CNKSR2: variants seen among roughly 807,000 people sequenced by gnomAD.
CNKSR2 encodes connector enhancer of kinase suppressor of Ras 2, also known as CNK homolog protein 2.
In CNKSR2, 14 loss-of-function variants were observed where a neutral mutation model predicts 84.4. The ratio of observed to expected loss-of-function variants is 0.17; its 90% CI spans 0.11 to 0.26. The LOEUF is 0.26. Ranked by LOEUF, CNKSR2 falls within the 10% of genes least tolerant of loss-of-function variation. The pLI is 1.00. For synonymous variants in CNKSR2, 275 were observed against 277.9 expected (o/e 0.99, Z 0.10); for missense variants, 485 against 771.2 (o/e 0.63, Z 4.40).
chrX:21,518,234 C>T (rs771808931), intron 9 of CNKSR2, among the ~76,000 whole-genome samples: 16 of 110,886 alleles, frequency 1.4e-4, no homozygotes, highest in African/African-American at 4.2e-4. Context: ...TTTGCTCCCC[C>T]TAGAGTTTCC....
intron 10 of CNKSR2, among the ~76,000 whole-genome samples, chrX:21,528,587 A>C (rs2091857032): frequency 9.0e-6 from 1 of 111,070 alleles, no homozygotes; most frequent in African/African-American, 3.3e-5. Flanking sequence ...TATAAAGGCT[A>C]TATATTGAAG....
At chrX:21,582,043 C>T (rs968310036) in intron 13 of CNKSR2, among the ~76,000 whole-genome samples, 1 of 111,437 alleles carries the variant, frequency 9.0e-6, no homozygotes, top group African/African-American at 3.3e-5. Flanking sequence ...TAGGCTTGTA[C>T]TGAAATGTAA....
At chrX:21,421,080 C>T (rs758698889) in intron 1 of CNKSR2, among the ~76,000 whole-genome samples, 6 of 111,143 alleles carry the variant, frequency 5.4e-5, no homozygotes, top group African/African-American at 9.8e-5. Flanking sequence ...TTGATGATTC[C>T]GCTCTGGCTA....
chrX:21,573,282 C>A (rs1349115033), intron 13 of CNKSR2, among the ~76,000 whole-genome samples: 1 of 112,126 alleles, frequency 8.9e-6, no homozygotes, highest in African/African-American at 3.2e-5. Flanking sequence ...GCATTGAGTG[C>A]CTGCAGCTTT....
intron 1 of CNKSR2, among the ~76,000 whole-genome samples, chrX:21,420,623 G>A (rs1274174605): frequency 9.0e-6 from 1 of 110,653 alleles, no homozygotes; most frequent in African/African-American, 3.3e-5. Flanking sequence ...AGCTGGTGAT[G>A]AATGGTGCCA....
At chrX:21,527,182 C>T (rs1043107899) in intron 10 of CNKSR2, among the ~76,000 whole-genome samples, 182 bp downstream of exon 10, 1 of 110,079 alleles carries the variant, frequency 9.1e-6, no homozygotes, top group African/African-American at 3.3e-5. Context: ...ATAATAATAA[C>T]TAATTTGTAT....
rs1822698628 is a variant in CNKSR2 at position 21,374,830 on chromosome X, G to A, written c.-68G>A. Reference sequence around the variant, plus strand: ...GGCCAGCAAGGGACCCCACCTGAGAGCAGCTCGGGCTGCTGAGTTCGTTTT... The same window carrying A: ...GGCCAGCAAGGGACCCCACCTGAGAACAGCTCGGGCTGCTGAGTTCGTTTT... On this transcript the variant is annotated 5_prime_UTR_variant, in exon 1 of 22. Transcript: ENST00000379510. 2 of 987,886 alleles carry A rather than the reference G, an allele frequency of 2.0e-6. No individual in the cohort carries two copies. The highest frequency in any genetic ancestry group is 2.6e-4 in the Middle Eastern group (1 of 3,867). The allele number at this position is 987,886 out of a possible 1,213,427, so 81.4% of individuals were successfully genotyped here. A position where few individuals can be genotyped will look rare whatever the true frequency, so the allele number is the denominator to read the frequency against.
chrX:21,474,750 T>G (rs1232203223), intron 5 of CNKSR2, among the ~76,000 whole-genome samples: 1 of 111,887 alleles, frequency 8.9e-6, no homozygotes, highest in Non-Finnish European at 1.9e-5. Flanking sequence ...TTTTAAAGTA[T>G]TTTGGATCAC....
chrX:21,443,058 T>C (rs1273720261), intron 4 of CNKSR2, among the ~76,000 whole-genome samples: 1 of 110,453 alleles, frequency 9.1e-6, no homozygotes, highest in Non-Finnish European at 1.9e-5. Flanking sequence ...CTATGCTCAT[T>C]ACGTATGTGA....
chrX:21,393,409 A>G (rs1050108100), intron 1 of CNKSR2, among the ~76,000 whole-genome samples: 2 of 112,610 alleles, frequency 1.8e-5, no homozygotes, highest in African/African-American at 3.2e-5. Context: ...TATACATTAA[A>G]TATCAGGGGT....
At chrX:21,620,625 T>A (rs757962307) in intron 20 of CNKSR2, among the ~76,000 whole-genome samples, 2 of 111,242 alleles carry the variant, frequency 1.8e-5, no homozygotes, top group Non-Finnish European at 3.8e-5. Context: ...ACTTACAGAG[T>A]TCTTCCTTGT....
intron 13 of CNKSR2, among the ~76,000 whole-genome samples, chrX:21,579,875 G>C (rs1436021528): frequency 8.9e-6 from 1 of 111,763 alleles, no homozygotes; most frequent in Non-Finnish European, 1.9e-5. Context: ...CAGTTCTGAA[G>C]AAGTGGCAGC....
At chrX:21,459,936 C>T (rs1394312443) in intron 4 of CNKSR2, among the ~76,000 whole-genome samples, 3 of 111,620 alleles carry the variant, frequency 2.7e-5, no homozygotes, top group Non-Finnish European at 5.6e-5. Context: ...TTAAATTAGA[C>T]ACTGTTTTTC....
chrX:21,490,121 G>A (rs981024053), intron 5 of CNKSR2, among the ~76,000 whole-genome samples: 4 of 111,645 alleles, frequency 3.6e-5, no homozygotes, highest in African/African-American at 9.8e-5. Context: ...ATAGTGTTCA[G>A]TTCAATCTTG....
chrX:21,576,830 A>C (rs2092322140), intron 13 of CNKSR2, among the ~76,000 whole-genome samples: 1 of 112,012 alleles, frequency 8.9e-6, no homozygotes, highest in South Asian at 3.7e-4. Flanking sequence ...TAACTATTAA[A>C]GAAATTTAAT....
At chrX:21,520,554 A>G (rs1268806985) in intron 9 of CNKSR2, among the ~76,000 whole-genome samples, 1 of 110,694 alleles carries the variant, frequency 9.0e-6, no homozygotes, top group Non-Finnish European at 1.9e-5. Flanking sequence ...TAATATGTGT[A>G]GGCCAAGAGC....
Position 21,384,379 on chromosome X carries a change from C to A in CNKSR2, c.64+9418C>A, listed in dbSNP as rs181140203. 2.7e-5 allele frequency among the ~76,000 whole-genome samples: 3 copies of A among 112,147 alleles called. No homozygotes were observed. The Admixed American group carries it at 2.8e-4, about 11-fold the overall frequency. On this transcript the variant is annotated intron_variant, in intron 1 of 21. Coordinates refer to ENST00000379510, the MANE Select transcript of CNKSR2 (RefSeq NM_014927.5). Reference sequence around the variant, plus strand: ...CTTATCCAGAAGCCTGCTCTGTTGCCTTCTAGCTGTCAGACCAGAGACTTT... The same window carrying A: ...CTTATCCAGAAGCCTGCTCTGTTGCATTCTAGCTGTCAGACCAGAGACTTT...
intron 5 of CNKSR2, among the ~76,000 whole-genome samples, chrX:21,485,472 C>T (rs1054517399): frequency 9.1e-5 from 10 of 109,771 alleles, no homozygotes; most frequent in African/African-American, 1.3e-4. Context: ...TGTGTGTGTG[C>T]GTGTATGTGC....
chrX:21,574,968 A>G (rs1430169840), intron 13 of CNKSR2, among the ~76,000 whole-genome samples: 3 of 111,655 alleles, frequency 2.7e-5, no homozygotes, highest in African/African-American at 9.8e-5. Context: ...AGTGATTCAT[A>G]TTTACCTATA....
Sources: gnomAD v4.1 joint callset for allele counts (sites outside exome capture counted in the v4.1 genomes callset) on GRCh38, gnomAD v4.1.1 for gene constraint, MANE v1.5 for transcripts, NCBI Gene and HGNC (gene_info 2026-07-23, HGNC 2026-07-21) for gene names.